ZDHHC3: variants seen among roughly 807,000 people sequenced by gnomAD.
The protein encoded by ZDHHC3 is palmitoyltransferase ZDHHC3.
In ZDHHC3, 9 loss-of-function variants were observed where a neutral mutation model predicts 30.6. That is an observed-to-expected ratio of 0.29 (90% CI 0.18 to 0.51). The LOEUF is 0.51. Ranked by LOEUF, ZDHHC3 falls within the 20% of genes least tolerant of loss-of-function variation. ZDHHC3 has a pLI of 0.97. For missense variants in ZDHHC3, 246 were observed against 384.2 expected (o/e 0.64, Z 3.01); for synonymous variants, 136 against 140.2 (o/e 0.97, Z 0.21).
chr3:44,921,159 A>AC lies in ZDHHC3; in HGVS notation c.*5529dup. The AC allele has an allele frequency of 1.0e-6, 1 of 985,440 alleles. No homozygotes were observed. The highest frequency in any genetic ancestry group is 1.2e-6 in the Non-Finnish European group (1 of 829,934). The allele number at this position is 985,440 out of a possible 1,614,324, so 61.0% of individuals were successfully genotyped here. A position where few individuals can be genotyped will look rare whatever the true frequency, so the allele number is the denominator to read the frequency against. Reference sequence around the variant, plus strand: ...TTTGGCCCAGGTCAGTCTGGGTGACACATGAGCTGTGATCTGTGAACAAAC... The same window carrying AC: ...TTTGGCCCAGGTCAGTCTGGGTGACACCATGAGCTGTGATCTGTGAACAAAC... On this transcript the variant is annotated 3_prime_UTR_variant, in exon 7 of 7. Coordinates refer to ENST00000424952, the MANE Select transcript of ZDHHC3 (RefSeq NM_001135179.2).
chr3:44,918,171 C>A lies in ZDHHC3; in HGVS notation c.*8518G>T. The A allele has an allele frequency of 1.5e-6, 2 of 1,296,362 alleles. No individual in the cohort carries two copies. The highest frequency in any genetic ancestry group is 1.5e-5 in the African/African-American group (1 of 65,652). The allele number at this position is 1,296,362 out of a possible 1,614,324, so 80.3% of individuals were successfully genotyped here. A position where few individuals can be genotyped will look rare whatever the true frequency, so the allele number is the denominator to read the frequency against. On this transcript the variant is annotated 3_prime_UTR_variant, in exon 7 of 7. Transcript: ENST00000424952. ...GCAGGGAGAAGGGGATGAAGAACAT[C>A]GTCAGCGTGGTGCTGGGCTGTACAG...
At chr3:44,950,258 C>G (rs1703325965) in intron 2 of ZDHHC3, among the ~76,000 whole-genome samples, 1 of 152,220 alleles carries the variant, frequency 6.6e-6, no homozygotes, top group Non-Finnish European at 1.5e-5. Flanking sequence ...AAGGGACATC[C>G]TTTCCCCCAA....
intron 1 of ZDHHC3, among the ~76,000 whole-genome samples, chr3:44,965,991 G>A (rs1434346023): frequency 6.6e-6 from 1 of 152,190 alleles, no homozygotes; most frequent in Admixed American, 6.5e-5. Flanking sequence ...ACGGTACAAA[G>A]TAGCATCAAC....
At chr3:44,941,399 C>T (rs769330698) in intron 3 of ZDHHC3, among the ~76,000 whole-genome samples, 1 of 152,124 alleles carries the variant, frequency 6.6e-6, no homozygotes, top group Non-Finnish European at 1.5e-5. Flanking sequence ...CTTAGGTTCT[C>T]CAATCAGCCT....
At position 44,924,657 on chromosome 3, in the gene ZDHHC3, T is replaced by C. The variant is rs1700841867; in HGVS notation, c.*2032A>G. The stretch of plus-strand genomic sequence containing the variant: ...ACCTGGCTCACTTTAAAAAATGCCC[T>C]GGAAGATGGAGTATTACCAATCTCT... On this transcript the variant is annotated 3_prime_UTR_variant, in exon 7 of 7. Transcript: ENST00000424952. 1.0e-6 allele frequency: 1 copy of C among 985,338 alleles called. No individual in the cohort carries two copies. Among genetic ancestry groups the C allele is most frequent in the African/African-American group, 1.7e-5 (1 of 57,254 alleles). The allele number at this position is 985,338 out of a possible 1,614,324, so 61.0% of individuals were successfully genotyped here. A position where few individuals can be genotyped will look rare whatever the true frequency, so the allele number is the denominator to read the frequency against.
In ZDHHC3 at chr3:44,959,433, T is replaced by C; in HGVS notation, c.4A>G (p.Met2Val). M[M>V]LIPTHHFRNI... is the part of the protein sequence containing the mutation. ...CGGAAGTGGTGGGTGGGGATAAGCA[T>C]CATAAGCTATTCTGTCCATACTGGC... The change falls in exon 2 of 7, where the codon ATG (methionine) becomes GTG (valine). Residue 2 changes from methionine (M) to valine (V), a missense_variant. Met to Val is a conservative substitution (Grantham distance 21). Transcript: ENST00000424952. The surrounding 1 kb of genome is among the most constrained non-coding windows in gnomAD (Gnocchi z 4.3). 1 of 1,613,498 alleles carries C rather than the reference T, an allele frequency of 6.2e-7. No individual in the cohort carries two copies.
intron 1 of ZDHHC3, among the ~76,000 whole-genome samples, chr3:44,969,350 C>T (rs1270241617): frequency 6.6e-6 from 1 of 152,104 alleles, no homozygotes; most frequent in African/African-American, 2.4e-5. Flanking sequence ...ATGCCTCTTC[C>T]TGTTTGATTC....
chr3:44,950,942 C>T (rs1306390185), intron 2 of ZDHHC3, among the ~76,000 whole-genome samples: 1 of 152,206 alleles, frequency 6.6e-6, no homozygotes, highest in African/African-American at 2.4e-5. Context: ...GAAGCTTCCA[C>T]ACTGCTGCAA....
intron 3 of ZDHHC3, among the ~76,000 whole-genome samples, chr3:44,934,278 G>A (rs1254856983): frequency 6.6e-6 from 1 of 152,140 alleles, no homozygotes; most frequent in Admixed American, 6.5e-5. Flanking sequence ...CTCTCCTGAA[G>A]TAATGGGGCT....
intron 2 of ZDHHC3, among the ~76,000 whole-genome samples, chr3:44,947,688 G>A (rs1703070874): frequency 6.6e-6 from 1 of 152,198 alleles, no homozygotes; most frequent in East Asian, 1.9e-4. Flanking sequence ...AACTACCAGG[G>A]AGTATGGCCC....
intron 3 of ZDHHC3, among the ~76,000 whole-genome samples, chr3:44,936,646 T>C (rs1701983820): frequency 1.3e-5 from 2 of 152,290 alleles, no homozygotes; most frequent in South Asian, 4.1e-4. Flanking sequence ...TGACTAGAGA[T>C]GTGGTACATA....
intron 1 of ZDHHC3, among the ~76,000 whole-genome samples, chr3:44,974,996 T>C (rs898138273): frequency 2.0e-5 from 3 of 152,090 alleles, no homozygotes; most frequent in African/African-American, 4.8e-5. Context: ...AGCCTATCTA[T>C]AGTAGGCTCC....
intron 5 of ZDHHC3, among the ~76,000 whole-genome samples, chr3:44,931,876 C>T (rs989111018): frequency 6.6e-6 from 1 of 152,214 alleles, no homozygotes; most frequent in African/African-American, 2.4e-5. Flanking sequence ...ATCTCTCCTA[C>T]CTTGCAGGCT....
intron 2 of ZDHHC3, among the ~76,000 whole-genome samples, chr3:44,956,962 GT>G (rs940857220): frequency 6.6e-6 from 1 of 152,142 alleles, no homozygotes; most frequent in African/African-American, 2.4e-5. Flanking sequence ...CACCTACCAT[GT>G]TTTGATCACC....
intron 6 of ZDHHC3, 151 bp from the exon 7 acceptor site, chr3:44,926,998 T>C (rs74359762): frequency 8.5e-7 from 1 of 1,180,458 alleles, no homozygotes; most frequent in East Asian, 3.0e-5. Flanking sequence ...ATAAAAAGTG[T>C]TACTAAAAAA....
rs372327176 is a variant in ZDHHC3, at chr3:44,941,428, C to T, written c.431+3740G>A. On this transcript the variant is annotated intron_variant, in intron 3 of 6. Coordinates refer to ENST00000424952, the MANE Select transcript of ZDHHC3 (RefSeq NM_001135179.2). ...TCAGCCTCAGCAGAACTACTCTGAT[C>T]TCTTAGGGTCATTGTGAGCACCAAA... 7.2e-5 allele frequency among the ~76,000 whole-genome samples: 11 copies of T among 152,224 alleles called. No individual in the cohort carries two copies. In the East Asian group the frequency reaches 1.2e-3, roughly 16 times the overall value.
rs146972252 is a variant in ZDHHC3, at chr3:44,921,883, G to A, written c.*4806C>T. ...AGAAATTCAGGGCATCCTTATGTCC[G>A]TGTTAGAGCATGTGCGGCCCCTAGA... is the stretch of plus-strand genomic sequence containing the variant. On this transcript the variant is annotated 3_prime_UTR_variant, in exon 7 of 7. Coordinates refer to ENST00000424952, the MANE Select transcript of ZDHHC3 (RefSeq NM_001135179.2). The A allele has an allele frequency of 1.3e-4, 126 of 985,398 alleles. 5 individuals are homozygous for A. In the East Asian group the frequency reaches 0.012, roughly 97 times the overall value. The allele number at this position is 985,398 out of a possible 1,614,324, so 61.0% of individuals were successfully genotyped here.
At position 44,921,688 on chromosome 3, in the gene ZDHHC3, T is replaced by C. The variant is rs1012330080; in HGVS notation, c.*5001A>G. 3.1e-6 allele frequency: 3 copies of C among 968,236 alleles called. No individual in the cohort carries two copies. The African/African-American group carries it at 5.3e-5, about 17-fold the overall frequency. 60.0% of individuals were successfully genotyped at this position (968,236 alleles called of 1,614,324 possible). On this transcript the variant is annotated 3_prime_UTR_variant, in exon 7 of 7. Coordinates refer to ENST00000424952, the MANE Select transcript of ZDHHC3 (RefSeq NM_001135179.2). ...TTAATCCTTCCATTAACTTTGTGAT[T>C]TAGATTATCATTCCCGTTTTCAGAT... is the stretch of plus-strand genomic sequence containing the variant.
chr3:44,956,909 G>C (rs1704003338), intron 2 of ZDHHC3, among the ~76,000 whole-genome samples: 1 of 152,214 alleles, frequency 6.6e-6, no homozygotes, highest in East Asian at 1.9e-4. Context: ...TGCACAATCT[G>C]GCCTCTGAGG....
Sources: gnomAD v4.1 joint callset for allele counts (sites outside exome capture counted in the v4.1 genomes callset) on GRCh38, gnomAD v4.1.1 for gene constraint, Gnocchi (gnomAD v3.1) non-coding constraint, MANE v1.5 for transcripts, NCBI Gene and HGNC (gene_info 2026-07-23, HGNC 2026-07-21) for gene names.